Variants in MYD88 observed in about 807,000 individuals in gnomAD.
MYD88 encodes the protein myeloid differentiation primary response protein MyD88.
Under a neutral mutation model 31.1 loss-of-function variants are expected in MYD88, and 15 were observed. The ratio of observed to expected loss-of-function variants is 0.48; its 90% confidence interval spans 0.32 to 0.74. The LOEUF (loss-of-function observed/expected upper bound fraction) is 0.74. Ranked by LOEUF, MYD88 falls within the 30% of genes least tolerant of loss-of-function variation. The probability of loss-of-function intolerance (pLI) is 0.03; values close to 1 mark genes in which losing one functional copy is unlikely to be tolerated. For missense variants in MYD88, 308 were observed against 387.4 expected, an observed-to-expected ratio of 0.79 and a Z score of 1.72; for synonymous variants, 157 against 158.8, an observed-to-expected ratio of 0.99 and a Z score of 0.08.
Position 38,139,976 on chromosome 3 carries a change from C to T in MYD88, c.441C>T (p.Ile147=), listed in dbSNP as rs2125777734. 6.2e-7 allele frequency: 1 copy of T among 1,613,700 alleles called. No homozygotes were observed. Among genetic ancestry groups the T allele is most frequent in the Admixed American group, 1.7e-5 (1 of 60,002 alleles). The part of the protein sequence containing the change: ...SVPRTAELAG[I]TTLDDPLGHM... ...CACGGACAGCAGAGCTGGCGGGCAT[C>T]ACCACACTTGATGACCCCCTGGGTA... The change falls in exon 2 of 5, where the codon ATC becomes ATT. Residue 147 remains isoleucine, a synonymous_variant. Coordinates refer to ENST00000650905, the MANE Select transcript of MYD88 (RefSeq NM_002468.5). The surrounding 1 kb of genome is among the most constrained non-coding windows in gnomAD (Gnocchi z 4.7).
At position 38,140,759 on chromosome 3, in the gene MYD88, G is replaced by A; in HGVS notation, c.647G>A (p.Cys216Tyr). Residue 216 changes from cysteine (C) to tyrosine (Y), a missense_variant and splice_region_variant, in exon 4 of 5, where the codon TGC (cysteine) becomes TAC (tyrosine). By Grantham distance (194) the Cys-to-Tyr change is radical. Coordinates refer to ENST00000650905, the MANE Select transcript of MYD88 (RefSeq NM_002468.5). ...SIASELIEKR[C>Y]RRMVVVVSDD... is the part of the protein sequence containing the mutation. ...GCAGCCTGCCCACTCTCCCCTAGGT[G>A]CCGCCGGATGGTGGTGGTTGTCTCT... 6.2e-7 allele frequency: 1 copy of A among 1,614,168 alleles called. No homozygotes were observed. The highest frequency in any genetic ancestry group is 8.5e-7 in the Non-Finnish European group (1 of 1,180,008).
At position 38,138,697 on chromosome 3, in the gene MYD88, C is replaced by G. The variant is rs1158550058; in HGVS notation, c.-4C>G. On this transcript the variant is annotated 5_prime_UTR_variant, in exon 1 of 5. Coordinates refer to ENST00000650905, the MANE Select transcript of MYD88 (RefSeq NM_002468.5). The surrounding 1 kb of genome is among the most constrained non-coding windows in gnomAD (Gnocchi z 6.4). ...ACCGCGCTGAGGCTCCAGGACCGCC[C>G]GCCATGGCTGCAGGAGGTCCCGGCG... 1 of 1,599,000 alleles carries G rather than the reference C, an allele frequency of 6.3e-7. No homozygotes were observed. The highest frequency in any genetic ancestry group is 1.3e-5 in the African/African-American group (1 of 74,752).
chr3:38,141,626 G>A lies in MYD88; in HGVS notation c.*340G>A. The A allele has an allele frequency of 2.2e-6, 1 of 460,386 alleles. No homozygotes were observed. The highest frequency in any genetic ancestry group is 4.0e-6 in the Non-Finnish European group (1 of 247,012). 28.5% of individuals were successfully genotyped at this position (460,386 alleles called of 1,614,324 possible). ...CCTCACTTGAGGAGTGGGATGGGGA[G>A]AACAGAGAGTAGCTGTGTTTGAATC... On this transcript the variant is annotated 3_prime_UTR_variant, in exon 5 of 5. Transcript: ENST00000650905.
At position 38,141,933 on chromosome 3, in the gene MYD88, A is replaced by C. The variant is rs563282228; in HGVS notation, c.*647A>C. The C allele has an allele frequency of 1.1e-4, 26 of 241,854 alleles. No homozygotes were observed. Among genetic ancestry groups the C allele is most frequent in the African/African-American group, 5.7e-4 (26 of 45,584 alleles). The allele number at this position is 241,854 out of a possible 1,614,324, so 15.0% of individuals were successfully genotyped here. ...CCTAATGGGTCCACCTCTCATCTGC[A>C]TCTTTCACACCTCCCAGCTTCTGCC... On this transcript the variant is annotated 3_prime_UTR_variant, in exon 5 of 5. Coordinates refer to ENST00000650905, the MANE Select transcript of MYD88 (RefSeq NM_002468.5).
chr3:38,142,973 A>T lies in MYD88; in HGVS notation c.*1687A>T. 1 of 233,148 alleles carries T rather than the reference A, an allele frequency of 4.3e-6. No homozygotes were observed. Among genetic ancestry groups the T allele is most frequent in the Non-Finnish European group, 8.5e-6 (1 of 117,960 alleles). 14.4% of individuals were successfully genotyped at this position (233,148 alleles called of 1,614,324 possible). A position where few individuals can be genotyped will look rare whatever the true frequency, so the allele number is the denominator to read the frequency against. The stretch of plus-strand genomic sequence containing the variant: ...TGCCATTCTTCCTATATCCTGGAAT[A>T]TATCTTGCATCCTGAGTTTATAATA... On this transcript the variant is annotated 3_prime_UTR_variant, in exon 5 of 5. Coordinates refer to ENST00000650905, the MANE Select transcript of MYD88 (RefSeq NM_002468.5).
At position 38,139,350 on chromosome 3, in the gene MYD88, G is replaced by T. The variant is rs1281023940; in HGVS notation, c.328+322G>T. ...AGTAGAGCAACAGGACAGGTGGGGCGATTGACAGTGGACTGTCTTAGAAAC... is the reference window on the plus strand; with the variant it reads ...AGTAGAGCAACAGGACAGGTGGGGCTATTGACAGTGGACTGTCTTAGAAAC... On this transcript the variant is annotated intron_variant, in intron 1 of 4. Transcript: ENST00000650905. The surrounding 1 kb of genome is among the most constrained non-coding windows in gnomAD (Gnocchi z 4.7). The T allele has an allele frequency of 4.2e-6, 2 of 477,988 alleles. No homozygotes were observed. Among genetic ancestry groups the T allele is most frequent in the Non-Finnish European group, 7.5e-6 (2 of 265,466 alleles). The allele number at this position is 477,988 out of a possible 1,614,324, so 29.6% of individuals were successfully genotyped here.
In MYD88 at chr3:38,140,443, G is replaced by A. The variant is rs149937710; in HGVS notation, c.519G>A (p.Gln173=). Residue 173 remains glutamine, a synonymous_variant, in exon 3 of 5, where the codon CAG becomes CAA. Transcript: ENST00000650905. ...AFICYCPSDI[Q]FVQEMIRQLE... is the part of the protein sequence containing the mutation. ...TCTGCTATTGCCCCAGCGACATCCA[G>A]TTTGTGCAGGAGATGATCCGGCAAC... The A allele has an allele frequency of 5.0e-6, 8 of 1,614,246 alleles. No individual in the cohort carries two copies. The African/African-American group carries it at 8.0e-5, about 16-fold the overall frequency.
rs375668830 is a variant in MYD88, at chr3:38,140,343, C to A, written c.464-45C>A. 179 of 1,606,910 alleles carry A rather than the reference C, an allele frequency of 1.1e-4. 1 individual carries two copies. Among genetic ancestry groups the A allele is most frequent in the Middle Eastern group, 1.7e-4 (1 of 5,976 alleles). On this transcript the variant is annotated intron_variant, in intron 2 of 4. Transcript: ENST00000650905. ...GACTCTTGGCTGGATCCCTCCCAAG[C>A]CTTCCCATGGAGCTCTGACCACCAC...
Position 38,138,672 on chromosome 3 carries a change from A to C in MYD88, c.-29A>C. ...AAGCGCTGGCAGACAATGCGACCCG[A>C]CCGCGCTGAGGCTCCAGGACCGCCC... On this transcript the variant is annotated 5_prime_UTR_variant, in exon 1 of 5. Coordinates refer to ENST00000650905, the MANE Select transcript of MYD88 (RefSeq NM_002468.5). The surrounding 1 kb of genome is among the most constrained non-coding windows in gnomAD (Gnocchi z 6.4). 6.4e-7 allele frequency: 1 copy of C among 1,563,212 alleles called. No individual in the cohort carries two copies. Among genetic ancestry groups the C allele is most frequent in the Non-Finnish European group, 8.7e-7 (1 of 1,151,560 alleles).
Position 38,142,310 on chromosome 3 carries a change from A to T in MYD88, c.*1024A>T, listed in dbSNP as rs1195904191. ...GACTCACATACAGACACACACATAT[A>T]TGTACAGACATGTACTCTCACACAC... On this transcript the variant is annotated 3_prime_UTR_variant, in exon 5 of 5. Coordinates refer to ENST00000650905, the MANE Select transcript of MYD88 (RefSeq NM_002468.5). 3 of 233,146 alleles carry T rather than the reference A, an allele frequency of 1.3e-5. No individual in the cohort carries two copies. The highest frequency in any genetic ancestry group is 2.5e-5 in the Non-Finnish European group (3 of 118,062). 14.4% of individuals were successfully genotyped at this position (233,146 alleles called of 1,614,324 possible).
At chr3:38,140,988 A>C in intron 4 of MYD88, 140 bp downstream of exon 4, 1 of 1,350,930 alleles carries the variant, frequency 7.4e-7, no homozygotes, top group Non-Finnish European at 1.1e-6. Flanking sequence ...GCATGTGTGC[A>C]TGTGTGTGCC....
rs765429031 is a variant in MYD88, at chr3:38,140,560, C to T, written c.636C>T (p.Ile212=). The change falls in exon 3 of 5, where the codon ATC becomes ATT. Residue 212 remains isoleucine (I), a synonymous_variant. Transcript: ENST00000650905. Reference sequence around the variant, plus strand: ...TCTGGTCTATTGCTAGTGAGCTCATCGAAAAGAGGTTGGCTAGAAGGCCAC... The same window carrying T: ...TCTGGTCTATTGCTAGTGAGCTCATTGAAAAGAGGTTGGCTAGAAGGCCAC... The part of the protein sequence containing the change: ...TCVWSIASEL[I]EKRCRRMVVV... 5.0e-6 allele frequency: 8 copies of T among 1,614,042 alleles called. No homozygotes were observed. The highest frequency in any genetic ancestry group is 5.1e-6 in the Non-Finnish European group (6 of 1,180,024).
chr3:38,142,759 A>G lies in MYD88; in HGVS notation c.*1473A>G, dbSNP rs547066481. The stretch of plus-strand genomic sequence containing the variant: ...GCTCCACTTTCAGCCAGGCTGGAGC[A>G]AGGTACCTTTTCTTAGGATCTTGGG... On this transcript the variant is annotated 3_prime_UTR_variant, in exon 5 of 5. Transcript: ENST00000650905. The G allele has an allele frequency of 8.6e-5, 20 of 233,244 alleles. No individual in the cohort carries two copies. In the East Asian group the frequency reaches 1.1e-3, roughly 13 times the overall value. The allele number at this position is 233,244 out of a possible 1,614,324, so 14.4% of individuals were successfully genotyped here. A position where few individuals can be genotyped will look rare whatever the true frequency, so the allele number is the denominator to read the frequency against.
chr3:38,139,233 G>A lies in MYD88; in HGVS notation c.328+205G>A. On this transcript the variant is annotated intron_variant, in intron 1 of 4. Coordinates refer to ENST00000650905, the MANE Select transcript of MYD88 (RefSeq NM_002468.5). The surrounding 1 kb of genome is among the most constrained non-coding windows in gnomAD (Gnocchi z 4.7). Reference sequence around the variant, plus strand: ...AAGGACTGGAGAAAGGTCCGGATAGGCGGAGATGGGAAGGAAGCAGCTTAG... The same window carrying A: ...AAGGACTGGAGAAAGGTCCGGATAGACGGAGATGGGAAGGAAGCAGCTTAG... 1.1e-5 allele frequency: 8 copies of A among 704,152 alleles called. No homozygotes were observed. In the South Asian group the frequency reaches 1.6e-4, roughly 14 times the overall value. The allele number at this position is 704,152 out of a possible 1,614,324, so 43.6% of individuals were successfully genotyped here. A position where few individuals can be genotyped will look rare whatever the true frequency, so the allele number is the denominator to read the frequency against.
In MYD88 at chr3:38,139,085, C is replaced by A; in HGVS notation, c.328+57C>A. On this transcript the variant is annotated intron_variant, in intron 1 of 4. Transcript: ENST00000650905. This position sits in a 1 kb window ranked among gnomAD's most constrained non-coding sequence, Gnocchi z 4.7. ...GGGGGGTGAGGAGGCTGACTTTCCG[C>A]GGCCTCAGCATCCTGTCTCCCATGG... 1.3e-6 allele frequency: 2 copies of A among 1,561,748 alleles called. No individual in the cohort carries two copies. The highest frequency in any genetic ancestry group is 2.3e-5 in the East Asian group (1 of 43,606).
chr3:38,140,561 G>C lies in MYD88; in HGVS notation c.637G>C (p.Glu213Gln). The change falls in exon 3 of 5, where the codon GAA becomes CAA. Residue 213 changes from glutamate (E) to glutamine (Q), a missense_variant. Transcript: ENST00000650905. ...CTGGTCTATTGCTAGTGAGCTCATCGAAAAGAGGTTGGCTAGAAGGCCACG... is the reference window on the plus strand; with the variant it reads ...CTGGTCTATTGCTAGTGAGCTCATCCAAAAGAGGTTGGCTAGAAGGCCACG... ...CVWSIASELI[E>Q]KRCRRMVVVV... 1 of 1,614,196 alleles carries C rather than the reference G, an allele frequency of 6.2e-7. No homozygotes were observed. Among genetic ancestry groups the C allele is most frequent in the Non-Finnish European group, 8.5e-7 (1 of 1,180,024 alleles).
In MYD88 at chr3:38,139,225, C is replaced by T. The variant is rs1372025627; in HGVS notation, c.328+197C>T. 4 of 743,798 alleles carry T rather than the reference C, an allele frequency of 5.4e-6. No homozygotes were observed. The highest frequency in any genetic ancestry group is 3.0e-5 in the Admixed American group (1 of 33,876). 46.1% of individuals were successfully genotyped at this position (743,798 alleles called of 1,614,324 possible). On this transcript the variant is annotated intron_variant, in intron 1 of 4. Coordinates refer to ENST00000650905, the MANE Select transcript of MYD88 (RefSeq NM_002468.5). This position sits in a 1 kb window ranked among gnomAD's most constrained non-coding sequence, Gnocchi z 4.7. Reference sequence around the variant, plus strand: ...TTATTAAGAAGGACTGGAGAAAGGTCCGGATAGGCGGAGATGGGAAGGAAG... The same window carrying T: ...TTATTAAGAAGGACTGGAGAAAGGTTCGGATAGGCGGAGATGGGAAGGAAG...
At chr3:38,140,291 G>A (rs1017357344) in intron 2 of MYD88, 97 bp from the exon 3 acceptor site, 1 of 1,368,998 alleles carries the variant, frequency 7.3e-7, no homozygotes. Flanking sequence ...TGGGAAGGGT[G>A]CAGGGCCCAG....
At position 38,139,298 on chromosome 3, in the gene MYD88, T is replaced by TCAG; in HGVS notation, c.328+270_328+271insCAG. On this transcript the variant is annotated intron_variant, in intron 1 of 4. Coordinates refer to ENST00000650905, the MANE Select transcript of MYD88 (RefSeq NM_002468.5). The surrounding 1 kb of genome is among the most constrained non-coding windows in gnomAD (Gnocchi z 4.7). ...GTAGGGCCAGGAGTCAGAATCAGGC[T>TCAG]TCTGTGGGGGCATCTGGGCTGTTTC... 1.8e-6 allele frequency: 1 copy of TCAG among 555,924 alleles called. No homozygotes were observed. The highest frequency in any genetic ancestry group is 2.3e-5 in the South Asian group (1 of 44,256). The allele number at this position is 555,924 out of a possible 1,614,324, so 34.4% of individuals were successfully genotyped here. A position where few individuals can be genotyped will look rare whatever the true frequency, so the allele number is the denominator to read the frequency against.
Sources: allele counts gnomAD v4.1 joint callset, GRCh38; gene constraint gnomAD v4.1.1; non-coding constraint Gnocchi (gnomAD v3.1); transcripts MANE v1.5; gene names NCBI Gene and HGNC (gene_info 2026-07-23, HGNC 2026-07-21).